The following SPTLC1 variants were observed in gnomAD, a reference collection of about 807,000 sequenced individuals.
The protein encoded by SPTLC1 is serine palmitoyltransferase 1.
A neutral mutation model predicts 68.9 loss-of-function variants in SPTLC1; 55 were observed. That is an observed-to-expected ratio of 0.80 (90% confidence interval 0.64 to 1.00). The LOEUF (loss-of-function observed/expected upper bound fraction) is 1.00, where lower values mean the gene tolerates loss of function less well. Ranked by LOEUF, SPTLC1 falls within the 50% of genes least tolerant of loss-of-function variation. The pLI, the probability that SPTLC1 is intolerant of heterozygous loss-of-function variation, is 0.00. For synonymous variants in SPTLC1, 197 were observed against 201.6 expected (o/e 0.98, Z 0.19); for missense variants, 449 against 573.1 (o/e 0.78, Z 2.21).
chr9:92,078,808 A>G (rs1361461913), intron 5 of SPTLC1, among the ~76,000 whole-genome samples: 1 of 152,244 alleles, frequency 6.6e-6, no homozygotes. Context: ...TTCCAGCTGT[A>G]GGATTCCTGG....
chr9:92,039,812 C>A (rs1031977621), intron 12 of SPTLC1, among the ~76,000 whole-genome samples: 1 of 152,072 alleles, frequency 6.6e-6, no homozygotes, highest in Non-Finnish European at 1.5e-5. Context: ...CTTCCAATCA[C>A]CCTTGGAACA....
chr9:92,058,875 T>C (rs1322705681), intron 7 of SPTLC1, among the ~76,000 whole-genome samples: 3 of 152,272 alleles, frequency 2.0e-5, no homozygotes, highest in Admixed American at 1.3e-4. Flanking sequence ...GGTGTCATTA[T>C]GCCCAGCTAT....
chr9:92,090,887 G>T (rs1260216513), intron 3 of SPTLC1, among the ~76,000 whole-genome samples: 2 of 152,096 alleles, frequency 1.3e-5, no homozygotes, highest in African/African-American at 4.8e-5. Context: ...CTCCCTTAAG[G>T]TGACTTATGA....
At chr9:92,105,296 G>A in intron 3 of SPTLC1, 1 of 1,534,110 alleles carries the variant, frequency 6.5e-7, no homozygotes, top group South Asian at 1.2e-5. Context: ...ACTGTTGGTG[G>A]GTCAGGCTTC....
At chr9:92,069,781 C>T (rs189350024) in intron 5 of SPTLC1, among the ~76,000 whole-genome samples, 1 of 152,220 alleles carries the variant, frequency 6.6e-6, no homozygotes, top group Non-Finnish European at 1.5e-5. Context: ...CAAACCTTCA[C>T]AGTTCAGCCA....
intron 6 of SPTLC1, among the ~76,000 whole-genome samples, chr9:92,060,390 T>C (rs1834047146): frequency 6.6e-6 from 1 of 152,130 alleles, no homozygotes. Flanking sequence ...ACAACAATTT[T>C]AGAGCAGCCA....
intron 5 of SPTLC1, among the ~76,000 whole-genome samples, chr9:92,072,716 G>A (rs1400861188): frequency 3.3e-5 from 5 of 151,914 alleles, no homozygotes; most frequent in Non-Finnish European, 5.9e-5. Flanking sequence ...GGCTCTCAGC[G>A]GACAGAAAAC....
intron 3 of SPTLC1, among the ~76,000 whole-genome samples, chr9:92,090,511 C>T (rs1587590769): frequency 2.0e-5 from 3 of 152,022 alleles, no homozygotes; most frequent in South Asian, 4.2e-4. Flanking sequence ...ACTCCAGAGG[C>T]GGAGGCAGGA....
chr9:92,099,989 C>T (rs1291906606), intron 3 of SPTLC1, among the ~76,000 whole-genome samples: 1 of 151,324 alleles, frequency 6.6e-6, no homozygotes, highest in Non-Finnish European at 1.5e-5. Context: ...GTTTGCATGA[C>T]AATGGAATTG....
chr9:92,086,360 T>C (rs1835131500), intron 3 of SPTLC1, among the ~76,000 whole-genome samples: 1 of 152,268 alleles, frequency 6.6e-6, no homozygotes, highest in Non-Finnish European at 1.5e-5. Context: ...CATTTTGGCA[T>C]GATTTTGCAG....
intron 2 of SPTLC1, among the ~76,000 whole-genome samples, chr9:92,112,213 G>T (rs746131580): frequency 6.6e-6 from 1 of 152,058 alleles, no homozygotes; most frequent in Non-Finnish European, 1.5e-5. Context: ...CCATCTATTT[G>T]CAAGACTGCT....
intron 5 of SPTLC1, among the ~76,000 whole-genome samples, chr9:92,077,707 G>C (rs1587950885): frequency 6.6e-6 from 1 of 152,206 alleles, no homozygotes; most frequent in East Asian, 1.9e-4. Flanking sequence ...TAAATGCCCT[G>C]CTTTTGTCTA....
chr9:92,105,823 G>A (rs1461854065), intron 3 of SPTLC1, among the ~76,000 whole-genome samples: 3 of 151,618 alleles, frequency 2.0e-5, no homozygotes, highest in East Asian at 1.9e-4. Flanking sequence ...TGCGAAGTGA[G>A]GAGTGCCTCT....
intron 3 of SPTLC1, among the ~76,000 whole-genome samples, chr9:92,091,474 T>C (rs1292155781): frequency 3.3e-5 from 5 of 152,220 alleles, no homozygotes; most frequent in African/African-American, 4.8e-5. Context: ...TAGGAAGAAT[T>C]AGAATAAAAC....
intron 5 of SPTLC1, 141 bp from the exon 6 acceptor site, chr9:92,068,239 A>G: frequency 2.6e-6 from 2 of 776,966 alleles, no homozygotes; most frequent in Non-Finnish European, 4.1e-6. Flanking sequence ...TAAATGATAG[A>G]TTATACAAGA....
chr9:92,065,733 C>T (rs1186858997), intron 6 of SPTLC1, among the ~76,000 whole-genome samples: 2 of 152,144 alleles, frequency 1.3e-5, no homozygotes, highest in Non-Finnish European at 2.9e-5. Flanking sequence ...ATGAGTCTTT[C>T]ACATTATTTT....
rs377135479 is a variant in SPTLC1, at chr9:92,047,125, C to T, written c.1081+47G>A. 377 of 1,490,314 alleles carry T rather than the reference C, an allele frequency of 2.5e-4. 1 individual carries two copies. The African/African-American group carries it at 4.7e-3, about 19-fold the overall frequency. 92.3% of individuals were successfully genotyped at this position (1,490,314 alleles called of 1,614,324 possible). A position where few individuals can be genotyped will look rare whatever the true frequency, so the allele number is the denominator to read the frequency against. On this transcript the variant is annotated intron_variant, in intron 11 of 14. Coordinates refer to ENST00000262554, the MANE Select transcript of SPTLC1 (RefSeq NM_006415.4). ...GTAAGTAAATCAGTAACACAACTAA[C>T]GTAACCTGAAATCTCTTTGATTCCT...
intron 1 of SPTLC1, 49 bp downstream of exon 1, chr9:92,115,265 C>A: frequency 6.3e-7 from 1 of 1,595,336 alleles, no homozygotes; most frequent in Non-Finnish European, 8.6e-7. Context: ...TCCTCCCACC[C>A]TCCCCGGGCC....
At chr9:92,081,105 G>GTAAT (rs1204441617) in intron 3 of SPTLC1, 142 bp from the exon 4 acceptor site, 1 of 681,844 alleles carries the variant, frequency 1.5e-6, no homozygotes. Flanking sequence ...TTTTTAAGAA[G>GTAAT]TAATATTAGA....
Sources: allele counts gnomAD v4.1 joint callset (sites outside exome capture counted in the v4.1 genomes callset), GRCh38; gene constraint gnomAD v4.1.1; transcripts MANE v1.5; gene names NCBI Gene and HGNC (gene_info 2026-07-23, HGNC 2026-07-21).